The following KCNT2 variants were observed in gnomAD, a reference collection of about 807,000 sequenced individuals.
KCNT2 encodes the protein potassium sodium-activated channel subfamily T member 2, also known as potassium channel subfamily T member 2.
KCNT2 carries 67 observed loss-of-function variants against 153.8 expected under a neutral mutation model. The ratio of observed to expected loss-of-function variants is 0.44; its 90% CI spans 0.36 to 0.53. The LOEUF is 0.53. Ranked by LOEUF, KCNT2 falls within the 20% of genes least tolerant of loss-of-function variation. The pLI is 0.00. For missense variants in KCNT2, 975 were observed against 1,354.8 expected, an observed-to-expected ratio of 0.72 and a Z score of 4.40; for synonymous variants, 500 against 458.8, an observed-to-expected ratio of 1.09 and a Z score of -1.15.
At chr1:196,470,673 A>G (rs1208040897) in intron 5 of KCNT2, among the ~76,000 whole-genome samples, 1 of 152,132 alleles carries the variant, frequency 6.6e-6, no homozygotes, top group African/African-American at 2.4e-5. Context: ...CAGTCAGGCA[A>G]CTTCAACCCA....
At chr1:196,309,936 C>T (rs991249054) in intron 21 of KCNT2, among the ~76,000 whole-genome samples, 4 of 151,798 alleles carry the variant, frequency 2.6e-5, no homozygotes, top group African/African-American at 9.7e-5. Context: ...CGTGTTCTGA[C>T]TCAGTGATGT....
At position 196,373,151 on chromosome 1, in the gene KCNT2, G is replaced by C. The variant is rs577209964; in HGVS notation, c.1392C>G (p.Thr464=). The change falls in exon 14 of 28, where the codon ACC becomes ACG. Residue 464 remains threonine (T), a synonymous_variant. Coordinates refer to ENST00000294725, the MANE Select transcript of KCNT2 (RefSeq NM_198503.5). ...AAAAATATACTTACTGCCCTCTAGA[G>C]GTATGAACCAGTAGTGTAATAAGTG... The part of the protein sequence containing the change: ...TSTLITLLVH[T]SRGQEGQQSP... 3 of 1,499,378 alleles carry C rather than the reference G, an allele frequency of 2.0e-6. No individual in the cohort carries two copies. Among genetic ancestry groups the C allele is most frequent in the Non-Finnish European group, 2.8e-6 (3 of 1,078,262 alleles). The allele number at this position is 1,499,378 out of a possible 1,614,324, so 92.9% of individuals were successfully genotyped here. A position where few individuals can be genotyped will look rare whatever the true frequency, so the allele number is the denominator to read the frequency against.
chr1:196,608,112 T>C, intron 1 of KCNT2, 103 bp downstream of exon 1: 1 of 991,498 alleles, frequency 1.0e-6, no homozygotes, highest in Non-Finnish European at 1.6e-6. Flanking sequence ...TCTCCCTCTC[T>C]GGCTCCGTTT....
chr1:196,312,644 A>G (rs891307132), intron 21 of KCNT2, among the ~76,000 whole-genome samples: 1 of 151,754 alleles, frequency 6.6e-6, no homozygotes, highest in Non-Finnish European at 1.5e-5. Context: ...ATGTTCACAC[A>G]ACATTACTTC....
At chr1:196,488,083 G>C (rs1174501548) in intron 3 of KCNT2, among the ~76,000 whole-genome samples, 1 of 151,896 alleles carries the variant, frequency 6.6e-6, no homozygotes, top group Non-Finnish European at 1.5e-5. Flanking sequence ...TTCACACATG[G>C]TATATTAACA....
chr1:196,398,381 T>C (rs548392137), intron 13 of KCNT2, among the ~76,000 whole-genome samples, 182 bp downstream of exon 13: 1 of 151,712 alleles, frequency 6.6e-6, no homozygotes, highest in South Asian at 2.1e-4. Flanking sequence ...GCAAAAGTAT[T>C]ATCTTGTCAC....
chr1:196,373,008 A>G, intron 14 of KCNT2, 132 bp downstream of exon 14: 3 of 528,630 alleles, frequency 5.7e-6, no homozygotes, highest in Non-Finnish European at 1.0e-5. Context: ...AGATAAAGAT[A>G]ACTCACACAA....
At chr1:196,274,471 G>C (rs1035590106) in intron 25 of KCNT2, among the ~76,000 whole-genome samples, 1 of 151,576 alleles carries the variant, frequency 6.6e-6, no homozygotes, top group African/African-American at 2.4e-5. Flanking sequence ...TTGTTTGAGA[G>C]AATAATAGCA....
Position 196,375,756 on chromosome 1 carries a change from AAG to A in KCNT2, c.1295-2510_1295-2509del, listed in dbSNP as rs574322713. On this transcript the variant is annotated intron_variant, in intron 13 of 27. Coordinates refer to ENST00000294725, the MANE Select transcript of KCNT2 (RefSeq NM_198503.5). ...AGTGTTGCAAAATATTTATTATAAA[AAG>A]AGAGTACTGGATCAGAGAAAATAAC... Among the ~76,000 whole-genome samples the A allele has an allele frequency of 3.7e-3, 569 of 151,866 alleles. 1 individual carries two copies. Among genetic ancestry groups the A allele is most frequent in the African/African-American group, 0.013 (537 of 41,532 alleles).
At chr1:196,526,655 G>T (rs1654254664) in intron 1 of KCNT2, among the ~76,000 whole-genome samples, 1 of 152,056 alleles carries the variant, frequency 6.6e-6, no homozygotes, top group African/African-American at 2.4e-5. Context: ...GTTTCACCAT[G>T]TTGGCCAGGA....
intron 18 of KCNT2, among the ~76,000 whole-genome samples, chr1:196,330,476 C>A (rs1558153128): frequency 6.6e-6 from 1 of 151,514 alleles, no homozygotes; most frequent in Admixed American, 6.6e-5. Flanking sequence ...AGAAAAAATC[C>A]CTAGCTAGAA....
intron 12 of KCNT2, among the ~76,000 whole-genome samples, chr1:196,419,930 T>C (rs1673064174): frequency 1.3e-5 from 2 of 152,058 alleles, no homozygotes; most frequent in South Asian, 4.1e-4. Context: ...TGACAATTTT[T>C]GTGTGGAAAA....
At chr1:196,375,190 C>A (rs1285986115) in intron 13 of KCNT2, among the ~76,000 whole-genome samples, 2 of 151,764 alleles carry the variant, frequency 1.3e-5, no homozygotes, top group Non-Finnish European at 3.0e-5. Flanking sequence ...GCTAATGTTT[C>A]AAAAACTGTA....
intron 1 of KCNT2, among the ~76,000 whole-genome samples, chr1:196,568,024 G>C (rs1026710405): frequency 6.6e-6 from 1 of 152,094 alleles, no homozygotes; most frequent in East Asian, 1.9e-4. Flanking sequence ...CCTAAGACTT[G>C]ATCTCAACTG....
At chr1:196,424,830 A>G (rs1673512964) in intron 11 of KCNT2, among the ~76,000 whole-genome samples, 1 of 151,710 alleles carries the variant, frequency 6.6e-6, no homozygotes, top group African/African-American at 2.4e-5. Flanking sequence ...TCCACAAAAC[A>G]GTTGACTTTT....
At chr1:196,283,101 C>T (rs1425061916) in intron 23 of KCNT2, among the ~76,000 whole-genome samples, 2 of 152,186 alleles carry the variant, frequency 1.3e-5, no homozygotes, top group Admixed American at 6.5e-5. Context: ...CCTTGGCCAC[C>T]CCAAAATACT....
chr1:196,289,289 C>G (rs917145659), intron 22 of KCNT2, among the ~76,000 whole-genome samples: 1 of 151,966 alleles, frequency 6.6e-6, no homozygotes, highest in Non-Finnish European at 1.5e-5. Context: ...TGCAGTTACT[C>G]TTGAATATAA....
At chr1:196,374,946 C>A (rs769325759) in intron 13 of KCNT2, among the ~76,000 whole-genome samples, 4 of 151,768 alleles carry the variant, frequency 2.6e-5, no homozygotes, top group Non-Finnish European at 5.9e-5. Context: ...ACCATATATG[C>A]AATGTAGCAT....
chr1:196,309,328 G>T (rs1661935071), intron 21 of KCNT2, among the ~76,000 whole-genome samples: 1 of 151,720 alleles, frequency 6.6e-6, no homozygotes, highest in African/African-American at 2.4e-5. Flanking sequence ...TGGATTCTTT[G>T]GTTTATTATT....
Sources: gnomAD v4.1 joint callset for allele counts (sites outside exome capture counted in the v4.1 genomes callset) on GRCh38, gnomAD v4.1.1 for gene constraint, MANE v1.5 for transcripts, NCBI Gene and HGNC (gene_info 2026-07-23, HGNC 2026-07-21) for gene names.